Variants in APBA1 observed in about 807,000 individuals in gnomAD.
APBA1 encodes amyloid-beta A4 precursor protein-binding family A member 1.
APBA1 carries 55 observed loss-of-function variants against 86.6 expected under a neutral mutation model. The ratio of observed to expected loss-of-function variants is 0.64; its 90% CI spans 0.51 to 0.80. The LOEUF is 0.80. Among genes scored for constraint, APBA1 ranks in the 30% least tolerant of loss-of-function variants. APBA1 has a pLI of 0.00. For synonymous variants in APBA1, 511 were observed against 493.9 expected, an observed-to-expected ratio of 1.03 and a Z score of -0.46; for missense variants, 1,090 against 1,183.0, an observed-to-expected ratio of 0.92 and a Z score of 1.15.
chr9:69,571,331 G>C (rs1362589654), intron 1 of APBA1, among the ~76,000 whole-genome samples: 1 of 152,068 alleles, frequency 6.6e-6, no homozygotes, highest in Non-Finnish European at 1.5e-5. Flanking sequence ...CAGTATTTTT[G>C]ATCCTGGCCT....
chr9:69,523,588 T>C (rs902716299), intron 1 of APBA1, among the ~76,000 whole-genome samples: 1 of 144,308 alleles, frequency 6.9e-6, no homozygotes, highest in African/African-American at 2.6e-5. Flanking sequence ...ATAAAACAAG[T>C]TCTTCTAGAC....
Position 69,577,997 on chromosome 9 carries a change from T to C in APBA1, c.-69-60718A>G, listed in dbSNP as rs903439167. Among the ~76,000 whole-genome samples, 4 of 152,160 alleles carry C rather than the reference T, an allele frequency of 2.6e-5. No individual in the cohort carries two copies. The South Asian group carries it at 6.2e-4, about 24-fold the overall frequency. ...GGGACCCTGCAAACACTTTCTTCTG[T>C]ACCTCTCAGCTCACCTAAAATGAAG... On this transcript the variant is annotated intron_variant, in intron 1 of 12. Transcript: ENST00000265381.
At chr9:69,583,121 G>T in intron 1 of APBA1, among the ~76,000 whole-genome samples, 1 of 152,290 alleles carries the variant, frequency 6.6e-6, no homozygotes, top group South Asian at 2.1e-4. Flanking sequence ...CAGTACAGGC[G>T]ATTGACCCCT....
chr9:69,575,697 A>C (rs1821781637), intron 1 of APBA1, among the ~76,000 whole-genome samples: 1 of 152,226 alleles, frequency 6.6e-6, no homozygotes, highest in African/African-American at 2.4e-5. Context: ...ACCTTATACA[A>C]AAATCAATTC....
chr9:69,516,862 CG>C lies in APBA1; in HGVS notation c.348del (p.Ser116ArgfsTer46). The part of the protein sequence containing the change: ...AERAQDPEDE[S>X]AYAVQYRPEA... ...TCGGGCCGGTACTGCACAGCATAGG[CG>C]CTCTCGTCCTCGGGGTCCTGCGCGC... On this transcript the variant is annotated frameshift_variant, in exon 2 of 13. Coordinates refer to ENST00000265381, the MANE Select transcript of APBA1 (RefSeq NM_001163.4). LOFTEE classifies it high-confidence loss of function. This position sits in a 1 kb window ranked among gnomAD's most constrained non-coding sequence, Gnocchi z 7.3. The C allele has an allele frequency of 6.3e-7, 1 of 1,598,724 alleles. No individual in the cohort carries two copies. Among genetic ancestry groups the C allele is most frequent in the South Asian group, 1.1e-5 (1 of 90,630 alleles).
In APBA1 at chr9:69,554,377, G is replaced by A. The variant is rs184466667; in HGVS notation, c.-69-37098C>T. ...TGATCCTAGGGTGTCACATTCTAAAGCCCACCCAATTCTCCTTACACTAAG... is the reference window on the plus strand; with the variant it reads ...TGATCCTAGGGTGTCACATTCTAAAACCCACCCAATTCTCCTTACACTAAG... On this transcript the variant is annotated intron_variant, in intron 1 of 12. Coordinates refer to ENST00000265381, the MANE Select transcript of APBA1 (RefSeq NM_001163.4). Among the ~76,000 whole-genome samples the A allele has an allele frequency of 1.7e-4, 26 of 152,274 alleles. No homozygotes were observed. The East Asian group carries it at 3.3e-3, about 19-fold the overall frequency.
intron 2 of APBA1, among the ~76,000 whole-genome samples, chr9:69,515,447 G>A (rs1836120720): frequency 6.6e-6 from 1 of 151,630 alleles, no homozygotes; most frequent in African/African-American, 2.4e-5. Context: ...CTTTCTACTT[G>A]GCTACTCCTC....
intron 1 of APBA1, among the ~76,000 whole-genome samples, chr9:69,625,089 T>C (rs1056586061): frequency 1.3e-5 from 2 of 152,186 alleles, no homozygotes; most frequent in Non-Finnish European, 2.9e-5. Context: ...CTCTGTCTTA[T>C]AGGGCTCTGC....
chr9:69,500,606 G>A (rs1835867042), intron 2 of APBA1, among the ~76,000 whole-genome samples: 1 of 152,096 alleles, frequency 6.6e-6, no homozygotes, highest in Non-Finnish European at 1.5e-5. Flanking sequence ...AGAGGCAACA[G>A]GTTAACTCAC....
chr9:69,537,851 A>G (rs1034310279), intron 1 of APBA1, among the ~76,000 whole-genome samples: 3 of 151,768 alleles, frequency 2.0e-5, no homozygotes, highest in Admixed American at 1.3e-4. Flanking sequence ...TGTCTGTCAC[A>G]TTGTTGCAAA....
At chr9:69,578,577 G>A (rs995222839) in intron 1 of APBA1, among the ~76,000 whole-genome samples, 3 of 152,026 alleles carry the variant, frequency 2.0e-5, no homozygotes, top group African/African-American at 7.3e-5. Flanking sequence ...AAAAAATCAC[G>A]GTTTCTCAAA....
intron 9 of APBA1, among the ~76,000 whole-genome samples, chr9:69,450,434 G>A (rs1239657870): frequency 6.6e-6 from 1 of 152,136 alleles, no homozygotes; most frequent in Non-Finnish European, 1.5e-5. Flanking sequence ...GCACTCTGGG[G>A]AGGCCTGCAG....
At chr9:69,666,360 C>T (rs1823839663) in intron 1 of APBA1, among the ~76,000 whole-genome samples, 1 of 152,148 alleles carries the variant, frequency 6.6e-6, no homozygotes, top group South Asian at 2.1e-4. Flanking sequence ...AAGGTCTTCC[C>T]TGACCATACT....
At chr9:69,606,620 T>C (rs970210377) in intron 1 of APBA1, among the ~76,000 whole-genome samples, 1 of 150,390 alleles carries the variant, frequency 6.6e-6, no homozygotes, top group Admixed American at 6.7e-5. Context: ...GCCTCCCGAG[T>C]AGCTGGGACT....
At chr9:69,556,175 A>G (rs560048383) in intron 1 of APBA1, among the ~76,000 whole-genome samples, 17 of 152,298 alleles carry the variant, frequency 1.1e-4, no homozygotes, top group Admixed American at 2.6e-4. Context: ...ATATAAACAT[A>G]ATGAAGAGAA....
At chr9:69,663,424 TA>T (rs1288782137) in intron 1 of APBA1, among the ~76,000 whole-genome samples, 1 of 152,232 alleles carries the variant, frequency 6.6e-6, no homozygotes, top group Non-Finnish European at 1.5e-5. Flanking sequence ...ATAGCCAATG[TA>T]GGGGGTAATT....
upstream of APBA1, among the ~76,000 whole-genome samples, chr9:69,672,546 C>T (rs1457219178): frequency 4.1e-5 from 6 of 147,394 alleles, no homozygotes; most frequent in African/African-American, 1.5e-4. Flanking sequence ...CGCGCGCGGC[C>T]CGCGAGCCCG....
At chr9:69,623,283 G>T (rs893464705) in intron 1 of APBA1, among the ~76,000 whole-genome samples, 7 of 152,112 alleles carry the variant, frequency 4.6e-5, no homozygotes, top group South Asian at 2.1e-4. Flanking sequence ...GATTCTGCAG[G>T]TTCAAGGAGA....
chr9:69,571,527 T>C (rs1028941944), intron 1 of APBA1, among the ~76,000 whole-genome samples: 3 of 152,076 alleles, frequency 2.0e-5, no homozygotes, highest in African/African-American at 7.2e-5. Flanking sequence ...CACACACACA[T>C]ACATACACAT....
Sources: gnomAD v4.1 joint callset for allele counts (sites outside exome capture counted in the v4.1 genomes callset) on GRCh38, gnomAD v4.1.1 for gene constraint, Gnocchi (gnomAD v3.1) non-coding constraint, MANE v1.5 for transcripts, NCBI Gene and HGNC (gene_info 2026-07-23, HGNC 2026-07-21) for gene names.